PUDP: variants seen among roughly 807,000 people sequenced by gnomAD.
PUDP encodes pseudouridine-5'-phosphatase.
Under a neutral mutation model 9.4 loss-of-function variants are expected in PUDP, and 8 were observed. The observed-to-expected ratio is 0.85, with a 90% CI of 0.50 to 1.53. The LOEUF is 1.53. PUDP is among the 40% of genes most tolerant of loss of function. PUDP has a pLI of 0.00. For synonymous variants in PUDP, 99 were observed against 80.7 expected (o/e 1.23, Z -1.22); for missense variants, 188 against 189.7 (o/e 0.99, Z 0.05).
intron 3 of PUDP, among the ~76,000 whole-genome samples, chrX:6,728,222 G>A (rs1185655237): frequency 9.0e-6 from 1 of 110,613 alleles, no homozygotes; most frequent in Non-Finnish European, 1.9e-5. Flanking sequence ...GGAGGAAACC[G>A]CCCCCCATGA....
chrX:6,992,554 G>T (rs1489773904), intron 1 of PUDP, among the ~76,000 whole-genome samples: 1 of 109,763 alleles, frequency 9.1e-6, no homozygotes, highest in Non-Finnish European at 1.9e-5. Flanking sequence ...TTACAGGCGT[G>T]AACCACCGCG....
At chrX:6,808,495 T>C (rs1217202860) in intron 3 of PUDP, among the ~76,000 whole-genome samples, 1 of 111,941 alleles carries the variant, frequency 8.9e-6, no homozygotes, top group African/African-American at 3.2e-5. Context: ...CATAAAGCTG[T>C]ATCACATTTA....
chrX:7,119,494 A>G (rs1393081070), intron 1 of PUDP, among the ~76,000 whole-genome samples: 2 of 112,787 alleles, frequency 1.8e-5, no homozygotes, highest in African/African-American at 6.4e-5. Context: ...TCAAATGAGA[A>G]GCTTGCTCTA....
chrX:6,906,087 C>T (rs778339269), intron 3 of PUDP, among the ~76,000 whole-genome samples: 3 of 112,088 alleles, frequency 2.7e-5, no homozygotes, highest in African/African-American at 3.2e-5. Flanking sequence ...TGCCCAAGGA[C>T]ATTATTCAAA....
At chrX:7,143,631 C>T (rs1489475380) in intron 1 of PUDP, among the ~76,000 whole-genome samples, 1 of 112,223 alleles carries the variant, frequency 8.9e-6, no homozygotes, top group Non-Finnish European at 1.9e-5. Context: ...GAAAACAGAA[C>T]CAAACGGAGC....
At chrX:7,027,504 G>A (rs1929728457) in intron 1 of PUDP, among the ~76,000 whole-genome samples, 1 of 104,825 alleles carries the variant, frequency 9.5e-6, no homozygotes, top group Non-Finnish European at 1.9e-5. Context: ...ACATATATGA[G>A]AATATAGAGA....
chrX:6,870,661 G>T (rs1013359191), intron 3 of PUDP, among the ~76,000 whole-genome samples: 2 of 111,901 alleles, frequency 1.8e-5, no homozygotes, highest in African/African-American at 3.2e-5. Flanking sequence ...TGGTGACGAT[G>T]GTAAATTTTA....
intron 3 of PUDP, among the ~76,000 whole-genome samples, chrX:6,807,586 A>G (rs1926072130): frequency 8.9e-6 from 1 of 111,792 alleles, no homozygotes; most frequent in South Asian, 3.8e-4. Flanking sequence ...CGTGTGTGAT[A>G]TTGGTAGAGA....
intron 3 of PUDP, among the ~76,000 whole-genome samples, chrX:6,862,988 G>C (rs1330361713): frequency 9.0e-6 from 1 of 111,595 alleles, no homozygotes; most frequent in African/African-American, 3.3e-5. Flanking sequence ...ATTCAATAAC[G>C]TACTTTTATA....
intron 1 of PUDP, among the ~76,000 whole-genome samples, chrX:6,710,971 A>T (rs918267600): frequency 1.8e-5 from 2 of 111,179 alleles, no homozygotes; most frequent in Non-Finnish European, 3.8e-5. Flanking sequence ...AGGGGGGAAA[A>T]GTGTGGAGCT....
intron 1 of PUDP, among the ~76,000 whole-genome samples, chrX:7,029,567 C>G (rs1602721147): frequency 1.8e-5 from 2 of 112,249 alleles, no homozygotes; most frequent in Admixed American, 1.9e-4. Flanking sequence ...ATTTCAATCT[C>G]CTGATAGATT....
chrX:6,802,817 G>C (rs764881834), intron 3 of PUDP, among the ~76,000 whole-genome samples: 3 of 108,106 alleles, frequency 2.8e-5, no homozygotes, highest in Non-Finnish European at 5.7e-5. Flanking sequence ...CCTGGGAGGC[G>C]GAAGTTGCAG....
At chrX:6,857,828 C>T (rs1488429284) in intron 3 of PUDP, among the ~76,000 whole-genome samples, 1 of 112,047 alleles carries the variant, frequency 8.9e-6, no homozygotes, top group Non-Finnish European at 1.9e-5. Context: ...TGAACACTCA[C>T]CCTGTGCCAG....
chrX:7,131,984 T>C (rs1263374686), intron 1 of PUDP, among the ~76,000 whole-genome samples: 1 of 110,342 alleles, frequency 9.1e-6, no homozygotes, highest in Non-Finnish European at 1.9e-5. Context: ...CACATCCGAC[T>C]GGCCAACTTC....
intron 3 of PUDP, among the ~76,000 whole-genome samples, chrX:6,916,593 G>C (rs1441182500): frequency 9.0e-6 from 1 of 111,133 alleles, no homozygotes; most frequent in Admixed American, 9.6e-5. Context: ...CTTTGAATAC[G>C]GATGTGATGC....
At chrX:7,117,716 T>C (rs1486242822) in intron 1 of PUDP, among the ~76,000 whole-genome samples, 3 of 113,046 alleles carry the variant, frequency 2.7e-5, no homozygotes, top group African/African-American at 6.4e-5. Context: ...GAAATTTGCA[T>C]ATCTAAAAAG....
intron 3 of PUDP, among the ~76,000 whole-genome samples, chrX:6,880,723 T>A (rs1278138485): frequency 8.9e-6 from 1 of 111,959 alleles, no homozygotes; most frequent in African/African-American, 3.2e-5. Context: ...TTCCAAATAA[T>A]GAGCCTTACA....
intron 1 of PUDP, among the ~76,000 whole-genome samples, chrX:7,019,394 G>A (rs1929598173): frequency 8.9e-6 from 1 of 111,900 alleles, no homozygotes; most frequent in Non-Finnish European, 1.9e-5. Flanking sequence ...TGTTCAGAAA[G>A]CCAGCAAACA....
exon 1 of PUDP, chrX:6,721,518 T>C (rs776270295): frequency 8.9e-6 from 1 of 112,370 alleles, no homozygotes; most frequent in African/African-American, 3.2e-5. Context: ...CTGAAAACCA[T>C]GTTGGTAATC....
Sources: gnomAD v4.1 joint callset for allele counts (sites outside exome capture counted in the v4.1 genomes callset) on GRCh38, gnomAD v4.1.1 for gene constraint, MANE v1.5 for transcripts, NCBI Gene and HGNC (gene_info 2026-07-23, HGNC 2026-07-21) for gene names.